The following B3GALT1 variants were observed in gnomAD, a reference collection of about 807,000 sequenced individuals.
The protein encoded by B3GALT1 is beta-1,3-galactosyltransferase 1.
B3GALT1 carries 10 observed loss-of-function variants against 23.2 expected under a neutral mutation model. The observed-to-expected ratio is 0.43, with a 90% CI of 0.27 to 0.73. B3GALT1 has a LOEUF of 0.73. Ranked by LOEUF, B3GALT1 falls within the 30% of genes least tolerant of loss-of-function variation. B3GALT1 has a pLI of 0.21. For missense variants in B3GALT1, 299 were observed against 405.4 expected, an observed-to-expected ratio of 0.74 and a Z score of 2.25; for synonymous variants, 156 against 141.5, an observed-to-expected ratio of 1.10 and a Z score of -0.73.
At chr2:167,713,777 T>A (rs1687100134) in intron 3 of B3GALT1, 3 of 1,591,036 alleles carry the variant, frequency 1.9e-6, no homozygotes, top group South Asian at 2.2e-5. Context: ...AGGTCTTGGA[T>A]GAAAGTAAGG....
intron 1 of B3GALT1, among the ~76,000 whole-genome samples, chr2:167,443,696 GTGATTTTTGCACAT>G (rs1178219508): frequency 6.6e-6 from 1 of 152,182 alleles, no homozygotes; most frequent in Non-Finnish European, 1.5e-5. Flanking sequence ...AGGAATGTTT[GTGATTTTTGCACAT>G]TGATTTTGTA....
In B3GALT1 at chr2:167,870,629, G is replaced by A. The variant is rs958323878; in HGVS notation, c.*609G>A. 7 of 167,020 alleles carry A rather than the reference G, an allele frequency of 4.2e-5. No homozygotes were observed. The highest frequency in any genetic ancestry group is 1.4e-4 in the African/African-American group (6 of 41,444). 10.3% of individuals were successfully genotyped at this position (167,020 alleles called of 1,614,324 possible). ...ATGTGTTTGGAAGACAACTCTGCTT[G>A]CTCATCCAAGGATTAAATCTGGTCA... On this transcript the variant is annotated 3_prime_UTR_variant, in exon 5 of 5. Transcript: ENST00000392690.
At chr2:167,310,790 C>A (rs1696624134) in intron 1 of B3GALT1, among the ~76,000 whole-genome samples, 1 of 152,012 alleles carries the variant, frequency 6.6e-6, no homozygotes, top group Non-Finnish European at 1.5e-5. Context: ...AAGAAGCCTG[C>A]TGGAAGATGA....
chr2:167,694,324 G>C (rs573270834), intron 3 of B3GALT1, among the ~76,000 whole-genome samples: 52 of 152,030 alleles, frequency 3.4e-4, no homozygotes, highest in Non-Finnish European at 6.6e-4. Context: ...GATAATTTAA[G>C]TTTCAATTAA....
At chr2:167,346,146 G>A (rs1272203381) in intron 1 of B3GALT1, among the ~76,000 whole-genome samples, 2 of 151,094 alleles carry the variant, frequency 1.3e-5, no homozygotes, top group African/African-American at 2.4e-5. Context: ...GTTTCAGTAC[G>A]AAAATAACCA....
chr2:167,415,611 G>C (rs1454814831), intron 1 of B3GALT1, among the ~76,000 whole-genome samples: 1 of 152,280 alleles, frequency 6.6e-6, no homozygotes, highest in East Asian at 1.9e-4. Flanking sequence ...CTTATATTGA[G>C]GGGAGGGCTT....
intron 2 of B3GALT1, among the ~76,000 whole-genome samples, chr2:167,617,620 A>C (rs1174089296): frequency 6.6e-6 from 1 of 152,104 alleles, no homozygotes; most frequent in East Asian, 1.9e-4. Context: ...TTTTTGGAGA[A>C]ATAGGCTAGC....
chr2:167,805,278 G>T (rs1172764511), intron 3 of B3GALT1, among the ~76,000 whole-genome samples: 1 of 152,038 alleles, frequency 6.6e-6, no homozygotes, highest in East Asian at 1.9e-4. Context: ...TCTGTAGGTT[G>T]CCTGTTCACT....
At chr2:167,460,079 C>G (rs1699233861) in intron 1 of B3GALT1, among the ~76,000 whole-genome samples, 1 of 152,118 alleles carries the variant, frequency 6.6e-6, no homozygotes, top group African/African-American at 2.4e-5. Context: ...TAAAATGATT[C>G]TTGGTGTGAA....
chr2:167,633,348 C>CA (rs1685486446), intron 2 of B3GALT1, among the ~76,000 whole-genome samples: 1 of 151,806 alleles, frequency 6.6e-6, no homozygotes, highest in Non-Finnish European at 1.5e-5. Context: ...CTAAATGCCC[C>CA]AAATAAAAGA....
chr2:167,332,087 C>G (rs1216582191), intron 1 of B3GALT1, among the ~76,000 whole-genome samples: 2 of 152,216 alleles, frequency 1.3e-5, no homozygotes, highest in East Asian at 3.9e-4. Context: ...TGAACTCTCT[C>G]TCTGTAGAAG....
At chr2:167,577,076 C>T (rs1684400686) in intron 2 of B3GALT1, among the ~76,000 whole-genome samples, 2 of 151,734 alleles carry the variant, frequency 1.3e-5, no homozygotes, top group South Asian at 2.1e-4. Context: ...ACACTAAGCA[C>T]TTTCTTCTTG....
intron 1 of B3GALT1, among the ~76,000 whole-genome samples, chr2:167,306,662 A>T (rs1696556972): frequency 6.6e-6 from 1 of 152,056 alleles, no homozygotes; most frequent in Non-Finnish European, 1.5e-5. Flanking sequence ...GTTGTCTTCA[A>T]AACTGTTCTT....
intron 1 of B3GALT1, among the ~76,000 whole-genome samples, chr2:167,396,534 A>ATGTG (rs67013700): frequency 1.8e-4 from 26 of 142,154 alleles, no homozygotes; most frequent in African/African-American, 5.4e-4. Flanking sequence ...ATATATATAT[A>ATGTG]TGTGTGTGTG....
intron 4 of B3GALT1, among the ~76,000 whole-genome samples, chr2:167,821,431 C>CTTTT (rs10573752): frequency 8.3e-5 from 9 of 108,724 alleles, no homozygotes; most frequent in African/African-American, 1.1e-4. Context: ...AAGGAAGGTA[C>CTTTT]TTTTTTTTTT....
chr2:167,829,781 A>G (rs1448496382), intron 4 of B3GALT1, among the ~76,000 whole-genome samples: 4 of 152,080 alleles, frequency 2.6e-5, no homozygotes, highest in Non-Finnish European at 4.4e-5. Context: ...GATCTGGGAG[A>G]ATAGTCCTCT....
At chr2:167,600,891 G>A (rs954878368) in intron 2 of B3GALT1, among the ~76,000 whole-genome samples, 1 of 151,464 alleles carries the variant, frequency 6.6e-6, no homozygotes, top group African/African-American at 2.4e-5. Flanking sequence ...TTGTATAAAC[G>A]CATGTTTTTA....
At chr2:167,371,577 AC>A (rs939565312) in intron 1 of B3GALT1, among the ~76,000 whole-genome samples, 8 of 152,118 alleles carry the variant, frequency 5.3e-5, no homozygotes, top group Non-Finnish European at 1.0e-4. Flanking sequence ...AACATTTAAC[AC>A]CTTATCTGAC....
At chr2:167,516,886 C>G (rs951244666) in intron 2 of B3GALT1, among the ~76,000 whole-genome samples, 2 of 151,756 alleles carry the variant, frequency 1.3e-5, no homozygotes, top group South Asian at 4.2e-4. Context: ...CTTCATGTTT[C>G]AATCCCGTGA....
Sources: gnomAD v4.1 joint callset for allele counts (sites outside exome capture counted in the v4.1 genomes callset) on GRCh38, gnomAD v4.1.1 for gene constraint, MANE v1.5 for transcripts, NCBI Gene and HGNC (gene_info 2026-07-23, HGNC 2026-07-21) for gene names.